KCNQ1: variants seen among roughly 807,000 people sequenced by gnomAD.
The protein encoded by KCNQ1 is potassium voltage-gated channel subfamily Q member 1, also known as potassium voltage-gated channel subfamily KQT member 1.
KCNQ1 carries 49 observed loss-of-function variants against 72.4 expected under a neutral mutation model. The ratio of observed to expected loss-of-function variants is 0.68; its 90% CI spans 0.54 to 0.86. The LOEUF (loss-of-function observed/expected upper bound fraction) is 0.86. Among genes scored for constraint, KCNQ1 ranks in the 40% least tolerant of loss-of-function variants. The probability of loss-of-function intolerance (pLI) is 0.00; values close to 1 mark genes in which losing one functional copy is unlikely to be tolerated. For synonymous variants in KCNQ1, 450 were observed against 412.6 expected (o/e 1.09, Z -1.10); for missense variants, 790 against 945.1 (o/e 0.84, Z 2.15).
rs1846454664 is a variant in KCNQ1 at position 2,764,073 on chromosome 11, G to C, written c.1515-4771G>C. The stretch of plus-strand genomic sequence containing the variant: ...TTAACATACCAGCTGGGACTTTCTG[G>C]ACAATGTGAAATAGAAACGATAACA... On this transcript the variant is annotated intron_variant, in intron 11 of 15. Coordinates refer to ENST00000155840, the MANE Select transcript of KCNQ1 (RefSeq NM_000218.3). The surrounding 1 kb of genome is among the most constrained non-coding windows in gnomAD (Gnocchi z 4.8). 1.3e-5 allele frequency among the ~76,000 whole-genome samples: 2 copies of C among 151,958 alleles called. No homozygotes were observed. The highest frequency in any genetic ancestry group is 1.3e-4 in the Admixed American group (2 of 15,236).
At chr11:2,770,907 C>T (rs1272742099) in intron 12 of KCNQ1, among the ~76,000 whole-genome samples, 1 of 152,258 alleles carries the variant, frequency 6.6e-6, no homozygotes, top group Admixed American at 6.5e-5. Context: ...CTTTGGGACT[C>T]AGATCTGGGC....
In KCNQ1 at chr11:2,797,686, C is replaced by T. The variant is rs184486162; in HGVS notation, c.1794+19649C>T. 9.8e-3 allele frequency among the ~76,000 whole-genome samples: 1,487 copies of T among 152,270 alleles called. 28 individuals carry two copies. Among genetic ancestry groups the T allele is most frequent in the African/African-American group, 0.033 (1,385 of 41,550 alleles). On this transcript the variant is annotated intron_variant, in intron 15 of 15. Transcript: ENST00000155840. ...TGTAGTCTGGCCCCTCCTCCTCCCC[C>T]GGGCCCCGTACTTCCTCCATTCTGC... is the stretch of plus-strand genomic sequence containing the variant.
rs1850161707 is a variant in KCNQ1 at position 2,670,388 on chromosome 11, C to T, written c.1514+8307C>T. 1 of 398,272 alleles carries T rather than the reference C, an allele frequency of 2.5e-6. No individual in the cohort carries two copies. The highest frequency in any genetic ancestry group is 4.4e-6 in the Non-Finnish European group (1 of 226,070). 24.7% of individuals were successfully genotyped at this position (398,272 alleles called of 1,614,324 possible). A position where few individuals can be genotyped will look rare whatever the true frequency, so the allele number is the denominator to read the frequency against. On this transcript the variant is annotated intron_variant, in intron 11 of 15. Transcript: ENST00000155840. This position sits in a 1 kb window ranked among gnomAD's most constrained non-coding sequence, Gnocchi z 4.9. Reference sequence around the variant, plus strand: ...TAGGCTGAAATTCCAAGAGCATTAACCAGACACCTACTATGTGTATTTCTT... The same window carrying T: ...TAGGCTGAAATTCCAAGAGCATTAATCAGACACCTACTATGTGTATTTCTT...
chr11:2,521,115 G>A (rs1349116465), intron 1 of KCNQ1, among the ~76,000 whole-genome samples: 5 of 152,010 alleles, frequency 3.3e-5, no homozygotes, highest in South Asian at 2.1e-4. Flanking sequence ...GTCAGGTCAC[G>A]GCCCAGTGGC....
intron 12 of KCNQ1, among the ~76,000 whole-genome samples, chr11:2,770,402 G>T (rs910939868): frequency 6.6e-6 from 1 of 152,242 alleles, no homozygotes; most frequent in Non-Finnish European, 1.5e-5. Context: ...GCCAGCACCC[G>T]CTAGGCTCGT....
intron 10 of KCNQ1, chr11:2,616,204 G>A: frequency 2.7e-6 from 1 of 371,252 alleles, no homozygotes; most frequent in Non-Finnish European, 4.7e-6. Context: ...TCCCACTTTT[G>A]TTTTTTTTTC....
At chr11:2,794,575 T>C (rs234877) in intron 15 of KCNQ1, among the ~76,000 whole-genome samples, 91,431 of 152,034 alleles carry the variant, frequency 0.6, 27,896 homozygotes, top group African/African-American at 0.68. Flanking sequence ...CCCCCAAAGA[T>C]GCTGGACCTT....
chr11:2,826,524 C>G lies in KCNQ1; in HGVS notation c.1795-21243C>G, dbSNP rs534101158. ...AGGCCGGTGTGGGAGCACTTTCCCCCGCCCCCTCCTGCTGCTGCTTCCCCG... is the reference window on the plus strand; with the variant it reads ...AGGCCGGTGTGGGAGCACTTTCCCCGGCCCCCTCCTGCTGCTGCTTCCCCG... On this transcript the variant is annotated intron_variant, in intron 15 of 15. Coordinates refer to ENST00000155840, the MANE Select transcript of KCNQ1 (RefSeq NM_000218.3). The surrounding 1 kb of genome is among the most constrained non-coding windows in gnomAD (Gnocchi z 4.2). 6.6e-6 allele frequency among the ~76,000 whole-genome samples: 1 copy of G among 152,232 alleles called. No homozygotes were observed. Among genetic ancestry groups the G allele is most frequent in the Non-Finnish European group, 1.5e-5 (1 of 68,044 alleles).
At chr11:2,625,156 TGTTTAAC>T (rs1849243109) in intron 10 of KCNQ1, 1 of 398,656 alleles carries the variant, frequency 2.5e-6, no homozygotes, top group East Asian at 3.6e-5. Flanking sequence ...AACACCAAAC[TGTTTAAC>T]ACAGAGGCTG....
rs1202769470 is a variant in KCNQ1, at chr11:2,789,034, G to A, written c.1794+10997G>A. The stretch of plus-strand genomic sequence containing the variant: ...CAGCCATCATGGCTTGCCTGGCCAG[G>A]GACCGAGGCCCCGTACCCTCCCCCA... On this transcript the variant is annotated intron_variant, in intron 15 of 15. Transcript: ENST00000155840. Among the ~76,000 whole-genome samples the A allele has an allele frequency of 2.0e-5, 3 of 152,078 alleles. No individual in the cohort carries two copies. In the South Asian group the frequency reaches 6.2e-4, roughly 31 times the overall value.
intron 10 of KCNQ1, chr11:2,625,323 A>C (rs1033223149): frequency 2.5e-6 from 1 of 398,596 alleles, no homozygotes; most frequent in Middle Eastern, 6.3e-4. Flanking sequence ...TGATCATGGC[A>C]CACTGCAGCC....
intron 6 of KCNQ1, among the ~76,000 whole-genome samples, chr11:2,583,146 G>A (rs914336974): frequency 2.0e-5 from 3 of 152,216 alleles, no homozygotes; most frequent in South Asian, 2.1e-4. Flanking sequence ...GGTGTGGGGC[G>A]AGCTCCCAGG....
At chr11:2,831,335 T>G (rs920940262) in intron 15 of KCNQ1, among the ~76,000 whole-genome samples, 2 of 152,150 alleles carry the variant, frequency 1.3e-5, no homozygotes, top group South Asian at 2.1e-4. Flanking sequence ...AGGGGGTGCT[T>G]GGACCAGTGG....
rs1829683179 is a variant in KCNQ1 at position 2,483,619 on chromosome 11, G to A, written c.386+38135G>A. On this transcript the variant is annotated intron_variant, in intron 1 of 15. Transcript: ENST00000155840. This position sits in a 1 kb window ranked among gnomAD's most constrained non-coding sequence, Gnocchi z 6.1. ...TGTTTTAGATAAGTACTGGGCGGCT[G>A]TTTTGTAGAACGTCCCTCGGTTTGG... is the stretch of plus-strand genomic sequence containing the variant. Among the ~76,000 whole-genome samples, 1 of 152,200 alleles carries A rather than the reference G, an allele frequency of 6.6e-6. No homozygotes were observed. Among genetic ancestry groups the A allele is most frequent in the South Asian group, 2.1e-4 (1 of 4,826 alleles).
At position 2,582,309 on chromosome 11, in the gene KCNQ1, G is replaced by A. The variant is rs1848512632; in HGVS notation, c.922-1126G>A. Among the ~76,000 whole-genome samples, 4 of 152,220 alleles carry A rather than the reference G, an allele frequency of 2.6e-5. No individual in the cohort carries two copies. The South Asian group carries it at 8.3e-4, about 31-fold the overall frequency. On this transcript the variant is annotated intron_variant, in intron 6 of 15. Transcript: ENST00000155840. ...CCTCCCTCCTCCTCAGTGGCTGGTG[G>A]AAACCACAGGGTGGCCCAGGGACCC...
chr11:2,772,144 G>A lies in KCNQ1; in HGVS notation c.1590+3225G>A, dbSNP rs1438570537. Among the ~76,000 whole-genome samples the A allele has an allele frequency of 1.3e-5, 2 of 152,128 alleles. No individual in the cohort carries two copies. Among genetic ancestry groups the A allele is most frequent in the Non-Finnish European group, 2.9e-5 (2 of 68,010 alleles). Reference sequence around the variant, plus strand: ...GAGGGGAGCAGTAGCCCGTGGCAGTGAGGAGCTGTGTGTGGCTCCAGGGGC... The same window carrying A: ...GAGGGGAGCAGTAGCCCGTGGCAGTAAGGAGCTGTGTGTGGCTCCAGGGGC... On this transcript the variant is annotated intron_variant, in intron 12 of 15. Transcript: ENST00000155840. This position sits in a 1 kb window ranked among gnomAD's most constrained non-coding sequence, Gnocchi z 6.6.
chr11:2,681,317 C>T, intron 11 of KCNQ1: 3 of 398,528 alleles, frequency 7.5e-6, no homozygotes, highest in Non-Finnish European at 8.8e-6. Flanking sequence ...GGTTCTCTGT[C>T]TCTCTCCAAC....
At chr11:2,692,273 C>G (rs1850600888) in intron 11 of KCNQ1, 1 of 398,920 alleles carries the variant, frequency 2.5e-6, no homozygotes, top group African/African-American at 2.1e-5. Flanking sequence ...CTTCACCCAT[C>G]CATAGTTCTA....
chr11:2,809,989 A>G lies in KCNQ1; in HGVS notation c.1794+31952A>G, dbSNP rs1847455055. ...GAACTGTGTGGAAGGTAAGCATTCA[A>G]AGTTCTTACATGGTGAAAATATCTT... On this transcript the variant is annotated intron_variant, in intron 15 of 15. Coordinates refer to ENST00000155840, the MANE Select transcript of KCNQ1 (RefSeq NM_000218.3). The surrounding 1 kb of genome is among the most constrained non-coding windows in gnomAD (Gnocchi z 7.1). 6.6e-6 allele frequency among the ~76,000 whole-genome samples: 1 copy of G among 152,184 alleles called. No individual in the cohort carries two copies. Among genetic ancestry groups the G allele is most frequent in the Non-Finnish European group, 1.5e-5 (1 of 68,032 alleles).
Sources: gnomAD v4.1 joint callset for allele counts (sites outside exome capture counted in the v4.1 genomes callset) on GRCh38, gnomAD v4.1.1 for gene constraint, Gnocchi (gnomAD v3.1) non-coding constraint, MANE v1.5 for transcripts, NCBI Gene and HGNC (gene_info 2026-07-23, HGNC 2026-07-21) for gene names.